TNKS2: variants seen among roughly 807,000 people sequenced by gnomAD.
TNKS2 encodes the protein poly [ADP-ribose] polymerase tankyrase-2.
Under a neutral mutation model 137.6 loss-of-function variants are expected in TNKS2, and 72 were observed. The ratio of observed to expected loss-of-function variants is 0.52; its 90% CI spans 0.43 to 0.64. The LOEUF (loss-of-function observed/expected upper bound fraction) is 0.64, where lower values mean the gene tolerates loss of function less well. Ranked by LOEUF, TNKS2 falls within the 30% of genes least tolerant of loss-of-function variation. The pLI, the probability that TNKS2 is intolerant of heterozygous loss-of-function variation, is 0.00. For missense variants in TNKS2, 1,049 were observed against 1,410.2 expected (o/e 0.74, Z 4.10); for synonymous variants, 516 against 512.1 (o/e 1.01, Z -0.10).
At chr10:91,828,217 A>G in intron 8 of TNKS2, 68 bp from the exon 9 acceptor site, 2 of 1,352,836 alleles carry the variant, frequency 1.5e-6, no homozygotes, top group Non-Finnish European at 2.0e-6. Context: ...GGAAAATACT[A>G]GATGTCTTTT....
At chr10:91,818,550 G>A (rs1364729084) in intron 3 of TNKS2, among the ~76,000 whole-genome samples, 2 of 152,218 alleles carry the variant, frequency 1.3e-5, no homozygotes, top group African/African-American at 4.8e-5. Context: ...GCATGTGTGT[G>A]TATCAAGGCC....
chr10:91,859,106 T>G (rs1842787732), intron 24 of TNKS2, among the ~76,000 whole-genome samples: 2 of 152,182 alleles, frequency 1.3e-5, no homozygotes, highest in African/African-American at 4.8e-5. Flanking sequence ...AAGACCTAAT[T>G]GCATTTAGCT....
At chr10:91,848,701 C>G in intron 19 of TNKS2, 66 bp downstream of exon 19, 2 of 1,552,108 alleles carry the variant, frequency 1.3e-6, no homozygotes, top group South Asian at 2.5e-5. Context: ...ATTTGGGATG[C>G]TAAAAAGTCA....
intron 25 of TNKS2, among the ~76,000 whole-genome samples, chr10:91,861,715 T>C (rs1290273072): frequency 6.6e-6 from 1 of 152,190 alleles, no homozygotes. Flanking sequence ...TGACTTTTGT[T>C]TTTTGCTGAG....
Position 91,813,203 on chromosome 10 carries a change from C to T in TNKS2, c.420C>T (p.Cys140=). The T allele has an allele frequency of 4.3e-6, 7 of 1,613,300 alleles. No individual in the cohort carries two copies. Among genetic ancestry groups the T allele is most frequent in the Non-Finnish European group, 5.9e-6 (7 of 1,179,312 alleles). ...EAAIKGKIDV[C]IVLLQHGAEP... The stretch of plus-strand genomic sequence containing the variant: ...CAATTAAAGGAAAGATTGATGTTTG[C>T]ATTGGTAAGACTGTTTACTTTTCCG... The change falls in exon 2 of 27, where the codon TGC becomes TGT. Residue 140 remains cysteine, a synonymous_variant. Transcript: ENST00000371627.
intron 13 of TNKS2, among the ~76,000 whole-genome samples, chr10:91,837,715 C>CTGG (rs1842073019): frequency 6.6e-6 from 1 of 152,302 alleles, no homozygotes; most frequent in Middle Eastern, 3.4e-3. Context: ...CAAAAATTAG[C>CTGG]TGGGCGTAGT....
chr10:91,852,573 A>G (rs1364625605), intron 21 of TNKS2, among the ~76,000 whole-genome samples: 1 of 152,218 alleles, frequency 6.6e-6, no homozygotes, highest in Non-Finnish European at 1.5e-5. Flanking sequence ...AAATAAAAAT[A>G]AAAAGGTGAA....
chr10:91,861,933 C>T, intron 25 of TNKS2, 66 bp from the exon 26 acceptor site: 1 of 1,424,218 alleles, frequency 7.0e-7, no homozygotes, highest in Non-Finnish European at 9.5e-7. Flanking sequence ...TATGCCGTGT[C>T]CACACATTGT....
intron 1 of TNKS2, among the ~76,000 whole-genome samples, chr10:91,811,686 A>G (rs971521076): frequency 1.3e-5 from 2 of 152,106 alleles, no homozygotes; most frequent in African/African-American, 4.8e-5. Context: ...CGACCTTAGA[A>G]AGACTGTACC....
intron 2 of TNKS2, among the ~76,000 whole-genome samples, chr10:91,813,428 A>G (rs1412353694): frequency 6.6e-6 from 1 of 152,220 alleles, no homozygotes; most frequent in African/African-American, 2.4e-5. Context: ...TTATACTTGC[A>G]TTCTCTTGGG....
At chr10:91,831,982 C>T (rs147616475) in intron 11 of TNKS2, among the ~76,000 whole-genome samples, 4 of 152,238 alleles carry the variant, frequency 2.6e-5, no homozygotes, top group African/African-American at 7.2e-5. Flanking sequence ...GCCCCTGAAA[C>T]GCTTCCATAA....
intron 3 of TNKS2, among the ~76,000 whole-genome samples, chr10:91,818,440 A>G (rs1400917155): frequency 1.3e-5 from 2 of 152,168 alleles, no homozygotes; most frequent in African/African-American, 2.4e-5. Flanking sequence ...ATTATGTTTA[A>G]TCAGTGATGC....
chr10:91,839,156 G>GT (rs1188783810), intron 13 of TNKS2, among the ~76,000 whole-genome samples: 1 of 151,256 alleles, frequency 6.6e-6, no homozygotes, highest in Non-Finnish European at 1.5e-5. Context: ...GTGAGCCACC[G>GT]TGCCCGGCCT....
Position 91,831,114 on chromosome 10 carries a change from C to T in TNKS2, c.1208C>T (p.Pro403Leu), listed in dbSNP as rs773741186. The change falls in exon 11 of 27, where the codon CCT becomes CTT. Residue 403 changes from proline (P) to leucine (L), a missense_variant. Transcript: ENST00000371627. ...TTTTTCTCTCTAAGATTCTTGACTC[C>T]TCTGCACGTGGCATCTGAGAAAGCT... ...INEKTKEFLT[P>L]LHVASEKAHN... The T allele has an allele frequency of 6.2e-7, 1 of 1,613,960 alleles. No individual in the cohort carries two copies. Among genetic ancestry groups the T allele is most frequent in the Admixed American group, 1.7e-5 (1 of 60,020 alleles).
intron 3 of TNKS2, among the ~76,000 whole-genome samples, chr10:91,818,901 T>C (rs1460591746): frequency 6.6e-6 from 1 of 152,204 alleles, no homozygotes; most frequent in Non-Finnish European, 1.5e-5. Flanking sequence ...ATACTCATTT[T>C]AGGAAATTTG....
intron 5 of TNKS2, 69 bp downstream of exon 5, chr10:91,819,626 A>T: frequency 8.4e-7 from 1 of 1,197,338 alleles, no homozygotes; most frequent in Non-Finnish European, 1.2e-6. Flanking sequence ...TGTTTATCTT[A>T]TGATAAATTG....
Position 91,831,100 on chromosome 10 carries a change from A to G in TNKS2, c.1197-3A>G. On this transcript the variant is annotated splice_polypyrimidine_tract_variant and splice_region_variant and intron_variant, in intron 10 of 26. Coordinates refer to ENST00000371627, the MANE Select transcript of TNKS2 (RefSeq NM_025235.4). ...ACTGTCTGGCTGATTTTTTCTCTCT[A>G]AGATTCTTGACTCCTCTGCACGTGG... 1.2e-6 allele frequency: 2 copies of G among 1,613,904 alleles called. No individual in the cohort carries two copies. Among genetic ancestry groups the G allele is most frequent in the Non-Finnish European group, 1.7e-6 (2 of 1,179,884 alleles).
At chr10:91,821,284 G>A (rs1055352406) in intron 6 of TNKS2, among the ~76,000 whole-genome samples, 4 of 151,586 alleles carry the variant, frequency 2.6e-5, no homozygotes, top group South Asian at 2.1e-4. Context: ...CACCTGGCTC[G>A]GCCTCCCAAA....
In TNKS2 at chr10:91,808,502, ATAT is replaced by A. The variant is rs759334245; in HGVS notation, c.200-4473_200-4471del. Reference sequence around the variant, plus strand: ...AGGAATTATTTTAAACAGGGCTGTGATATTATTATTTTTAAAAGGTCACTAGAG... The same window carrying A: ...AGGAATTATTTTAAACAGGGCTGTGATATTATTTTTAAAAGGTCACTAGAG... On this transcript the variant is annotated intron_variant, in intron 1 of 26. Coordinates refer to ENST00000371627, the MANE Select transcript of TNKS2 (RefSeq NM_025235.4). Among the ~76,000 whole-genome samples the A allele has an allele frequency of 1.2e-4, 19 of 152,106 alleles. 1 individual carries two copies. The highest frequency in any genetic ancestry group is 2.5e-4 in the Non-Finnish European group (17 of 68,010).
Sources: gnomAD v4.1 joint callset for allele counts (sites outside exome capture counted in the v4.1 genomes callset) on GRCh38, gnomAD v4.1.1 for gene constraint, MANE v1.5 for transcripts, NCBI Gene and HGNC (gene_info 2026-07-23, HGNC 2026-07-21) for gene names.